RAD51B: variants seen among roughly 807,000 people sequenced by gnomAD.
The protein encoded by RAD51B is DNA repair protein RAD51 homolog 2.
Under a neutral mutation model 42.2 loss-of-function variants are expected in RAD51B, and 38 were observed. The ratio of observed to expected loss-of-function variants is 0.90; its 90% confidence interval spans 0.70 to 1.18. The LOEUF (loss-of-function observed/expected upper bound fraction) is 1.18. RAD51B is among the 50% of genes most tolerant of loss of function. RAD51B has a pLI of 0.00. For missense variants in RAD51B, 373 were observed against 400.7 expected (o/e 0.93, Z 0.59); for synonymous variants, 154 against 145.2 (o/e 1.06, Z -0.43).
At chr14:68,326,391 T>G (rs2082253499) in intron 8 of RAD51B, among the ~76,000 whole-genome samples, 1 of 152,090 alleles carries the variant, frequency 6.6e-6, no homozygotes, top group African/African-American at 2.4e-5. Flanking sequence ...ACTTACTGTG[T>G]GTTTAGTACC....
chr14:68,495,353 C>T (rs1374234047), intron 10 of RAD51B, among the ~76,000 whole-genome samples: 1 of 152,120 alleles, frequency 6.6e-6, no homozygotes, highest in Non-Finnish European at 1.5e-5. Flanking sequence ...GAGGATTCCT[C>T]CGAGCCCCTT....
intron 7 of RAD51B, among the ~76,000 whole-genome samples, chr14:68,064,805 A>C (rs1300950616): frequency 3.3e-5 from 5 of 151,926 alleles, no homozygotes; most frequent in Non-Finnish European, 5.9e-5. Flanking sequence ...CTTCAGCTCC[A>C]AGTTTTCTGT....
chr14:68,432,258 C>A (rs1192335527), intron 9 of RAD51B, among the ~76,000 whole-genome samples: 4 of 152,170 alleles, frequency 2.6e-5, no homozygotes, highest in Non-Finnish European at 5.9e-5. Context: ...CTATAGATGT[C>A]TATTAGGTCC....
chr14:68,645,564 G>A (rs1892547700), intron 10 of RAD51B, among the ~76,000 whole-genome samples: 1 of 152,096 alleles, frequency 6.6e-6, no homozygotes, highest in Admixed American at 6.5e-5. Flanking sequence ...TTAGTGTTTT[G>A]GAAAACTGCC....
intron 7 of RAD51B, among the ~76,000 whole-genome samples, chr14:68,239,998 A>G (rs1410331591): frequency 2.0e-5 from 3 of 152,248 alleles, no homozygotes; most frequent in Admixed American, 6.5e-5. Flanking sequence ...CTGTCTGTCC[A>G]TGAGAACATC....
chr14:68,042,952 T>C (rs1305058200), intron 7 of RAD51B, among the ~76,000 whole-genome samples: 1 of 152,180 alleles, frequency 6.6e-6, no homozygotes, highest in African/African-American at 2.4e-5. Context: ...AGCCAAGTTC[T>C]CAACACCCTG....
intron 2 of RAD51B, among the ~76,000 whole-genome samples, chr14:67,825,059 C>G (rs2040770664): frequency 9.4e-6 from 1 of 106,078 alleles, no homozygotes; most frequent in Non-Finnish European, 1.7e-5. Flanking sequence ...GCCTGGGCGA[C>G]AGAGCAAAAC....
chr14:68,164,279 A>G (rs1304413579), intron 7 of RAD51B, among the ~76,000 whole-genome samples: 1 of 152,248 alleles, frequency 6.6e-6, no homozygotes, highest in Non-Finnish European at 1.5e-5. Context: ...AATCATGAAG[A>G]CTATCACCTG....
chr14:68,506,867 A>T (rs190233553), intron 10 of RAD51B, among the ~76,000 whole-genome samples: 1 of 152,172 alleles, frequency 6.6e-6, no homozygotes, highest in African/African-American at 2.4e-5. Flanking sequence ...CAGAGGGGGA[A>T]GCTGAAAGAA....
chr14:68,060,485 T>C (rs1224191522), intron 7 of RAD51B, among the ~76,000 whole-genome samples: 2 of 152,236 alleles, frequency 1.3e-5, no homozygotes, highest in Admixed American at 1.3e-4. Context: ...ATCTAAGTTA[T>C]GCAGACATTA....
intron 10 of RAD51B, among the ~76,000 whole-genome samples, chr14:68,498,344 T>C (rs1414327076): frequency 6.6e-6 from 1 of 152,256 alleles, no homozygotes; most frequent in Non-Finnish European, 1.5e-5. Flanking sequence ...ACCCATCATC[T>C]TGCTGTGCTC....
At chr14:68,448,600 T>C (rs1255172421) in intron 9 of RAD51B, among the ~76,000 whole-genome samples, 1 of 152,256 alleles carries the variant, frequency 6.6e-6, no homozygotes, top group African/African-American at 2.4e-5. Flanking sequence ...TGAGTAGTCA[T>C]TGTTTATACT....
intron 10 of RAD51B, among the ~76,000 whole-genome samples, chr14:68,504,933 G>A (rs1885199528): frequency 6.6e-6 from 1 of 152,082 alleles, no homozygotes; most frequent in African/African-American, 2.4e-5. Context: ...AGAGGCCAGG[G>A]CGTTTCAGCA....
intron 8 of RAD51B, among the ~76,000 whole-genome samples, chr14:68,397,741 C>T (rs770957879): frequency 1.3e-5 from 2 of 152,112 alleles, no homozygotes; most frequent in East Asian, 1.9e-4. Flanking sequence ...CTCAGAAAGC[C>T]GGGTCCAGAT....
intron 5 of RAD51B, among the ~76,000 whole-genome samples, chr14:67,880,786 T>A (rs541291737): frequency 6.6e-6 from 1 of 152,206 alleles, no homozygotes; most frequent in Non-Finnish European, 1.5e-5. Context: ...TGCTGGATTT[T>A]AACATATGTT....
intron 10 of RAD51B, among the ~76,000 whole-genome samples, chr14:68,603,689 A>G (rs1365473092): frequency 1.3e-5 from 2 of 152,196 alleles, no homozygotes; most frequent in Non-Finnish European, 2.9e-5. Context: ...GTGTCAGGTA[A>G]CATGGACTTA....
At chr14:68,492,341 T>C (rs1884144156) in intron 10 of RAD51B, among the ~76,000 whole-genome samples, 1 of 152,248 alleles carries the variant, frequency 6.6e-6, no homozygotes, top group Non-Finnish European at 1.5e-5. Flanking sequence ...TCTTCTCTGC[T>C]ACCATATAAG....
intron 4 of RAD51B, among the ~76,000 whole-genome samples, chr14:67,838,630 A>G (rs1293719081): frequency 6.6e-6 from 1 of 151,962 alleles, no homozygotes; most frequent in Non-Finnish European, 1.5e-5. Context: ...TGTTTTGTAG[A>G]GATGAGGGCT....
At chr14:68,335,372 C>T (rs2082435056) in intron 8 of RAD51B, among the ~76,000 whole-genome samples, 2 of 150,078 alleles carry the variant, frequency 1.3e-5, no homozygotes, top group African/African-American at 4.9e-5. Context: ...TCTGCATTTA[C>T]ATTTTTCTCA....
Sources: gnomAD v4.1 joint callset for allele counts (sites outside exome capture counted in the v4.1 genomes callset) on GRCh38, gnomAD v4.1.1 for gene constraint, MANE v1.5 for transcripts, NCBI Gene and HGNC (gene_info 2026-07-23, HGNC 2026-07-21) for gene names.